MMP13: variants seen among roughly 807,000 people sequenced by gnomAD.
The protein encoded by MMP13 is matrix metallopeptidase 13, also known as collagenase 3.
MMP13 carries 45 observed loss-of-function variants against 52.1 expected under a neutral mutation model. The ratio of observed to expected loss-of-function variants is 0.86; its 90% CI spans 0.68 to 1.11. MMP13 has a LOEUF of 1.11. MMP13 is among the 50% of genes least tolerant of loss of function. The pLI is 0.00. For synonymous variants in MMP13, 200 were observed against 204.4 expected (o/e 0.98, Z 0.18); for missense variants, 576 against 583.8 (o/e 0.99, Z 0.14).
At chr11:102,944,457 A>G in intron 9 of MMP13, 91 bp from the exon 10 acceptor site, 1 of 883,126 alleles carries the variant, frequency 1.1e-6, no homozygotes, top group South Asian at 1.4e-5. Context: ...CTTAGATCCC[A>G]TTTGTAGGAA....
rs542423663 is a variant in MMP13, at chr11:102,949,749, T to G, written c.917+361A>C. Among the ~76,000 whole-genome samples the G allele has an allele frequency of 1.3e-5, 2 of 152,316 alleles. No homozygotes were observed. Among genetic ancestry groups the G allele is most frequent in the African/African-American group, 4.8e-5 (2 of 41,570 alleles). ...CAACATGTATCTAGAATCAAAGTCT[T>G]TCCATACCAAAACGAATCCGTGTGG... On this transcript the variant is annotated intron_variant, in intron 6 of 9. Transcript: ENST00000260302. This position sits in a 1 kb window ranked among gnomAD's most constrained non-coding sequence, Gnocchi z 4.2.
intron 5 of MMP13, among the ~76,000 whole-genome samples, chr11:102,950,884 G>C (rs1388554616): frequency 1.3e-5 from 2 of 152,138 alleles, no homozygotes; most frequent in Admixed American, 1.3e-4. Context: ...TAACAATGTA[G>C]AAATAATAAT....
At chr11:102,951,010 C>T (rs572913012) in intron 5 of MMP13, among the ~76,000 whole-genome samples, 1 of 152,214 alleles carries the variant, frequency 6.6e-6, no homozygotes, top group South Asian at 2.1e-4. Context: ...ATGCTATGAG[C>T]AAGTTTTCTG....
Position 102,949,212 on chromosome 11 carries a change from T to C in MMP13, c.918-54A>G. The C allele has an allele frequency of 6.3e-7, 1 of 1,597,882 alleles. No homozygotes were observed. The highest frequency in any genetic ancestry group is 8.5e-7 in the Non-Finnish European group (1 of 1,172,906). ...GTCACATTTTTAAATGCAATATTTC[T>C]ATCCTGCTAGTCACCTCTCTCCACA... On this transcript the variant is annotated intron_variant, in intron 6 of 9. Coordinates refer to ENST00000260302, the MANE Select transcript of MMP13 (RefSeq NM_002427.4). This position sits in a 1 kb window ranked among gnomAD's most constrained non-coding sequence, Gnocchi z 4.2.
intron 4 of MMP13, 73 bp downstream of exon 4, chr11:102,954,083 T>G: frequency 3.8e-6 from 6 of 1,562,852 alleles, no homozygotes; most frequent in Non-Finnish European, 5.3e-6. Context: ...CTTTTATGTG[T>G]TTTAACTTCA....
chr11:102,954,093 A>G (rs1389075106), intron 4 of MMP13, 63 bp downstream of exon 4: 4 of 1,585,362 alleles, frequency 2.5e-6, no homozygotes, highest in East Asian at 2.2e-5. Context: ...TTTTAACTTC[A>G]TACTAGTGTG....
At chr11:102,944,947 C>A (rs1297234886) in intron 9 of MMP13, among the ~76,000 whole-genome samples, 2 of 150,662 alleles carry the variant, frequency 1.3e-5, no homozygotes, top group Non-Finnish European at 1.5e-5. Flanking sequence ...TCAATAATAT[C>A]TCTTTTCATA....
chr11:102,948,341 C>T (rs1860551042), intron 7 of MMP13, among the ~76,000 whole-genome samples: 1 of 152,046 alleles, frequency 6.6e-6, no homozygotes, highest in Non-Finnish European at 1.5e-5. Context: ...GGAAAAAATA[C>T]ATTAAAATTT....
rs1298285052 is a variant in MMP13, at chr11:102,952,198, A to AG, written c.638-26dup. The AG allele has an allele frequency of 6.2e-7, 1 of 1,611,764 alleles. No homozygotes were observed. Among genetic ancestry groups the AG allele is most frequent in the Non-Finnish European group, 8.5e-7 (1 of 1,178,398 alleles). ...CCTGTAAGAAAACAAAGAAACAATG[A>AG]GAAAAAAAGGAATTCCAGTGACCAG... is the stretch of plus-strand genomic sequence containing the variant. On this transcript the variant is annotated intron_variant, in intron 4 of 9. Coordinates refer to ENST00000260302, the MANE Select transcript of MMP13 (RefSeq NM_002427.4). The surrounding 1 kb of genome is among the most constrained non-coding windows in gnomAD (Gnocchi z 4.3).
intron 5 of MMP13, among the ~76,000 whole-genome samples, chr11:102,951,711 T>A (rs1228939754): frequency 6.6e-6 from 1 of 152,146 alleles, no homozygotes; most frequent in East Asian, 1.9e-4. Context: ...CCTAGATATA[T>A]AACCTACTAC....
chr11:102,949,557 C>A lies in MMP13; in HGVS notation c.918-399G>T, dbSNP rs1363891525. 1.3e-5 allele frequency among the ~76,000 whole-genome samples: 2 copies of A among 152,080 alleles called. No individual in the cohort carries two copies. The highest frequency in any genetic ancestry group is 2.9e-5 in the Non-Finnish European group (2 of 68,008). ...AAACATACATGAGAAACACCCCCCG[C>A]CCCACGAGTACAATGTAATTAGAGT... On this transcript the variant is annotated intron_variant, in intron 6 of 9. Transcript: ENST00000260302. This position sits in a 1 kb window ranked among gnomAD's most constrained non-coding sequence, Gnocchi z 4.2.
Position 102,944,335 on chromosome 11 carries a change from C to T in MMP13, c.1347G>A (p.Gln449=), listed in dbSNP as rs782538264. 1 of 1,612,840 alleles carries T rather than the reference C, an allele frequency of 6.2e-7. No individual in the cohort carries two copies. Among genetic ancestry groups the T allele is most frequent in the Non-Finnish European group, 8.5e-7 (1 of 1,179,108 alleles). ...GYIYFFNGPI[Q]FEYSIWSNRI... The stretch of plus-strand genomic sequence containing the variant: ...GGTTACTCCAGATGCTGTATTCAAA[C>T]TGTATGGGTCCGTTGAAAAAATAGA... The change falls in exon 10 of 10, where the codon CAG becomes CAA. Residue 449 remains glutamine, a synonymous_variant. Coordinates refer to ENST00000260302, the MANE Select transcript of MMP13 (RefSeq NM_002427.4).
rs782125947 is a variant in MMP13, at chr11:102,944,118, T to TTCAA, written c.*147_*148insTTGA. On this transcript the variant is annotated 3_prime_UTR_variant, in exon 10 of 10. Coordinates refer to ENST00000260302, the MANE Select transcript of MMP13 (RefSeq NM_002427.4). ...GTGGTTCCAGCCACGCATAGTCATA[T>TTCAA]AGATACTACATATTCAAAGATAACT... The TTCAA allele has an allele frequency of 4.3e-6, 3 of 695,032 alleles. No individual in the cohort carries two copies. The highest frequency in any genetic ancestry group is 8.0e-6 in the Non-Finnish European group (3 of 373,642). The allele number at this position is 695,032 out of a possible 1,614,324, so 43.1% of individuals were successfully genotyped here. A position where few individuals can be genotyped will look rare whatever the true frequency, so the allele number is the denominator to read the frequency against.
chr11:102,944,125 T>C lies in MMP13; in HGVS notation c.*141A>G. On this transcript the variant is annotated 3_prime_UTR_variant, in exon 10 of 10. Transcript: ENST00000260302. ...CAGCCACGCATAGTCATATAGATACTACATATTCAAAGATAACTTACTGAA... is the reference window on the plus strand; with the variant it reads ...CAGCCACGCATAGTCATATAGATACCACATATTCAAAGATAACTTACTGAA... 1 of 707,420 alleles carries C rather than the reference T, an allele frequency of 1.4e-6. No homozygotes were observed. The highest frequency in any genetic ancestry group is 2.6e-6 in the Non-Finnish European group (1 of 381,100). 43.8% of individuals were successfully genotyped at this position (707,420 alleles called of 1,614,324 possible).
Position 102,944,343 on chromosome 11 carries a change from G to A in MMP13, c.1339C>T (p.Pro447Ser), listed in dbSNP as rs368928667. Reference sequence around the variant, plus strand: ...CAGATGCTGTATTCAAACTGTATGGGTCCGTTGAAAAAATAGATATAACCT... The same window carrying A: ...CAGATGCTGTATTCAAACTGTATGGATCCGTTGAAAAAATAGATATAACCT... ...KNGYIYFFNG[P>S]IQFEYSIWSN... The change falls in exon 10 of 10, where the codon CCC becomes TCC. Residue 447 changes from proline to serine, a missense_variant. Coordinates refer to ENST00000260302, the MANE Select transcript of MMP13 (RefSeq NM_002427.4). 9 of 1,611,778 alleles carry A rather than the reference G, an allele frequency of 5.6e-6. No individual in the cohort carries two copies. Among genetic ancestry groups the A allele is most frequent in the African/African-American group, 5.3e-5 (4 of 74,944 alleles).
Position 102,952,066 on chromosome 11 carries a change from T to C in MMP13, c.745A>G (p.Lys249Glu), listed in dbSNP as rs782322969. 2.5e-6 allele frequency: 4 copies of C among 1,613,472 alleles called. No homozygotes were observed. The highest frequency in any genetic ancestry group is 3.4e-6 in the Non-Finnish European group (4 of 1,179,526). Residue 249 changes from lysine to glutamate, a missense_variant, in exon 5 of 10, where the codon AAA (lysine) becomes GAA (glutamate). Lys to Glu is a moderately conservative substitution (Grantham distance 56). Coordinates refer to ENST00000260302, the MANE Select transcript of MMP13 (RefSeq NM_002427.4). This position sits in a 1 kb window ranked among gnomAD's most constrained non-coding sequence, Gnocchi z 4.3. Reference sequence around the variant, plus strand: ...TCATCAGGAAGCATAAAGTGGCTTTTGCCGGTGTAGGTGTAGATAGGAAAC... The same window carrying C: ...TCATCAGGAAGCATAAAGTGGCTTTCGCCGGTGTAGGTGTAGATAGGAAAC... ...LMFPIYTYTG[K>E]SHFMLPDDDV...
chr11:102,955,450 A>T lies in MMP13; in HGVS notation c.164T>A (p.Ile55Asn), dbSNP rs775005629. The stretch of plus-strand genomic sequence containing the variant: ...GGAGCTTGCTGCATTCTCCTTCAGG[A>T]TTCCCGCGAGATTTGTAGGATGGTA... ...SYYHPTNLAG[I>N]LKENAASSMT... The change falls in exon 2 of 10, where the codon ATC becomes AAC. Residue 55 changes from isoleucine to asparagine, a missense_variant. Physicochemically the swap from Ile to Asn is moderately radical, Grantham distance 149. Coordinates refer to ENST00000260302, the MANE Select transcript of MMP13 (RefSeq NM_002427.4). The surrounding 1 kb of genome is among the most constrained non-coding windows in gnomAD (Gnocchi z 4.9). 6.2e-7 allele frequency: 1 copy of T among 1,613,996 alleles called. No homozygotes were observed. The highest frequency in any genetic ancestry group is 8.5e-7 in the Non-Finnish European group (1 of 1,179,908).
intron 9 of MMP13, 23 bp downstream of exon 9, chr11:102,945,622 AG>A (rs1555016577): frequency 7.2e-7 from 1 of 1,383,078 alleles, no homozygotes; most frequent in African/African-American, 1.4e-5. Flanking sequence ...TCCTCTTTAA[AG>A]TCAGTGCAAT....
In MMP13 at chr11:102,952,330, G is replaced by T. The variant is rs1860626887; in HGVS notation, c.638-157C>A. Among the ~76,000 whole-genome samples, 1 of 151,990 alleles carries T rather than the reference G, an allele frequency of 6.6e-6. No homozygotes were observed. The highest frequency in any genetic ancestry group is 2.4e-5 in the African/African-American group (1 of 41,370). ...TACTTTTTAAAATCAATATTCAGTTGCTTGAAGGAAGATTCAAAGTATTGA... is the reference window on the plus strand; with the variant it reads ...TACTTTTTAAAATCAATATTCAGTTTCTTGAAGGAAGATTCAAAGTATTGA... On this transcript the variant is annotated intron_variant, in intron 4 of 9. Coordinates refer to ENST00000260302, the MANE Select transcript of MMP13 (RefSeq NM_002427.4). This position sits in a 1 kb window ranked among gnomAD's most constrained non-coding sequence, Gnocchi z 4.3.
Sources: allele counts gnomAD v4.1 joint callset (sites outside exome capture counted in the v4.1 genomes callset), GRCh38; gene constraint gnomAD v4.1.1; non-coding constraint Gnocchi (gnomAD v3.1); transcripts MANE v1.5; gene names NCBI Gene and HGNC (gene_info 2026-07-23, HGNC 2026-07-21).